Variants in DKKL1 observed in about 807,000 individuals in gnomAD.
The protein encoded by DKKL1 is dickkopf-like protein 1.
DKKL1 carries 11 observed loss-of-function variants against 16.5 expected under a neutral mutation model. The observed-to-expected ratio is 0.67, with a 90% CI of 0.42 to 1.10. DKKL1 has a LOEUF of 1.10. DKKL1 is among the 50% of genes least tolerant of loss of function. The pLI is 0.00. For missense variants in DKKL1, 320 were observed against 308.1 expected (o/e 1.04, Z -0.29); for synonymous variants, 119 against 133.2 (o/e 0.89, Z 0.73).
At chr19:49,362,046 C>CA (rs1972986408), upstream of DKKL1, 1 of 152,782 alleles carries the variant, frequency 6.5e-6, no homozygotes, top group African/African-American at 2.4e-5. Flanking sequence ...AAATGCCCCC[C>CA]AGATTACACA....
upstream of DKKL1, chr19:49,363,845 C>T (rs1349507192): frequency 1.1e-5 from 12 of 1,101,092 alleles, no homozygotes; most frequent in Non-Finnish European, 1.4e-5. Flanking sequence ...GGCGTGGCTA[C>T]GGCTCGCGGA....
chr19:49,363,830 A>G (rs1284319199), upstream of DKKL1: 3 of 969,580 alleles, frequency 3.1e-6, no homozygotes, highest in Non-Finnish European at 4.8e-6. Context: ...TGGTCAGACA[A>G]TAGGGGCGTG....
upstream of DKKL1, chr19:49,362,562 T>G (rs1325910713): frequency 1.3e-5 from 2 of 151,250 alleles, no homozygotes; most frequent in Non-Finnish European, 2.9e-5. Flanking sequence ...TTAGTCTATC[T>G]CGGGGCTGGT....
intron 4 of DKKL1, among the ~76,000 whole-genome samples, chr19:49,368,072 G>A (rs1399842117): frequency 6.6e-6 from 1 of 152,082 alleles, no homozygotes. Context: ...TAGCAATTTG[G>A]GAGGCCAAGG....
intron 1 of DKKL1, 107 bp from the exon 2 acceptor site, chr19:49,364,474 TG>T: frequency 1.2e-6 from 1 of 846,104 alleles, no homozygotes; most frequent in Non-Finnish European, 1.8e-6. Context: ...GAGCGCGGTG[TG>T]GGAGTTGCCT....
Position 49,374,772 on chromosome 19 carries a change from G to A in DKKL1, c.473G>A (p.Ser158Asn), listed in dbSNP as rs1259082957. The change falls in exon 5 of 5, where the codon AGC (serine) becomes AAC (asparagine). Residue 158 changes from serine (S) to asparagine (N), a missense_variant. By Grantham distance (46) the Ser-to-Asn change is conservative. Transcript: ENST00000221498. ...ALVPIQKATDSFHTELHPRVA... is the reference protein window; with the variant it reads ...ALVPIQKATDNFHTELHPRVA... ...GTACCCATCCAGAAGGCCACGGACAGCTTCCACACAGAACTCCATCCCCGG... is the reference window on the plus strand; with the variant it reads ...GTACCCATCCAGAAGGCCACGGACAACTTCCACACAGAACTCCATCCCCGG... 1 of 1,600,912 alleles carries A rather than the reference G, an allele frequency of 6.2e-7. No homozygotes were observed. The highest frequency in any genetic ancestry group is 8.5e-7 in the Non-Finnish European group (1 of 1,172,318).
intron 4 of DKKL1, among the ~76,000 whole-genome samples, chr19:49,372,379 C>T (rs959052376): frequency 5.3e-5 from 8 of 151,486 alleles, no homozygotes; most frequent in South Asian, 2.1e-4. Flanking sequence ...GCTAACGTAG[C>T]GAAACCCCGT....
Position 49,365,526 on chromosome 19 carries a change from C to A in DKKL1, c.201C>A (p.Gly67=), listed in dbSNP as rs759271501. ...RLFLKGNLLR[G]IDSLFSAPMD... ...GGCCCCAGGGTAACCTGCTTCGGGG[C>A]ATAGACAGCTTATTCTCTGCCCCCA... The change falls in exon 3 of 5, where the codon GGC becomes GGA. Residue 67 remains glycine, a synonymous_variant. Transcript: ENST00000221498. The A allele has an allele frequency of 6.2e-7, 1 of 1,610,762 alleles. No individual in the cohort carries two copies. Among genetic ancestry groups the A allele is most frequent in the Non-Finnish European group, 8.5e-7 (1 of 1,178,332 alleles).
intron 4 of DKKL1, among the ~76,000 whole-genome samples, chr19:49,372,034 G>A (rs566195507): frequency 6.6e-6 from 1 of 152,176 alleles, no homozygotes; most frequent in South Asian, 2.1e-4. Context: ...GGACAATTGG[G>A]TTGGTTCCAA....
chr19:49,361,164 G>T (rs1224508413), upstream of DKKL1, among the ~76,000 whole-genome samples: 1 of 101,516 alleles, frequency 9.9e-6, no homozygotes, highest in Non-Finnish European at 1.9e-5. Flanking sequence ...CCGGGGGGGG[G>T]GGACAGGGAC....
At position 49,365,781 on chromosome 19, in the gene DKKL1, G is replaced by A. The variant is rs562307373; in HGVS notation, c.325-12G>A. On this transcript the variant is annotated splice_polypyrimidine_tract_variant and intron_variant, in intron 3 of 4. Transcript: ENST00000221498. ...GCAGGTTTGCTCTCACTCTCTCATCGGATCCTCACAGATGACCGACAACAA... is the reference window on the plus strand; with the variant it reads ...GCAGGTTTGCTCTCACTCTCTCATCAGATCCTCACAGATGACCGACAACAA... 20 of 1,613,178 alleles carry A rather than the reference G, an allele frequency of 1.2e-5. No individual in the cohort carries two copies. The highest frequency in any genetic ancestry group is 8.9e-5 in the East Asian group (4 of 44,848).
In DKKL1 at chr19:49,365,812, G is replaced by A. The variant is rs1973227998; in HGVS notation, c.344G>A (p.Gly115Glu). 2 of 1,614,108 alleles carry A rather than the reference G, an allele frequency of 1.2e-6. No homozygotes were observed. Among genetic ancestry groups the A allele is most frequent in the South Asian group, 1.1e-5 (1 of 91,072 alleles). ...TCACAGATGACCGACAACAAGACAG[G>A]AGAGGTGCTGATCTCCGAGAATGTG... is the stretch of plus-strand genomic sequence containing the variant. ...QIDKMTDNKT[G>E]EVLISENVVA... The change falls in exon 4 of 5, where the codon GGA (glycine) becomes GAA (glutamate). Residue 115 changes from glycine to glutamate, a missense_variant. Transcript: ENST00000221498.
At chr19:49,372,649 G>A (rs150751383) in intron 4 of DKKL1, among the ~76,000 whole-genome samples, 2,401 of 150,186 alleles carry the variant, frequency 0.016, 72 homozygotes, top group African/African-American at 0.056. Flanking sequence ...AGCCGAGATC[G>A]TGCCACTGCA....
chr19:49,369,902 T>G (rs548626810), intron 4 of DKKL1: 39 of 152,398 alleles, frequency 2.6e-4, no homozygotes, highest in African/African-American at 8.7e-4. Flanking sequence ...GAGACTCCAC[T>G]GTCCATGGCG....
Position 49,364,742 on chromosome 19 carries a change from A to G in DKKL1, c.171A>G (p.Arg57=). 2 of 1,612,354 alleles carry G rather than the reference A, an allele frequency of 1.2e-6. No individual in the cohort carries two copies. Among genetic ancestry groups the G allele is most frequent in the Non-Finnish European group, 1.7e-6 (2 of 1,179,382 alleles). The change falls in exon 2 of 5, where the codon CGA becomes CGG. Residue 57 remains arginine, a synonymous_variant. Transcript: ENST00000221498. ...AGAGCCTACTCCAAGGCTTCAGCCG[A>G]CTTTTCCTGAAAGTAAGCGATGGCG... ...GLQSLLQGFS[R]LFLKGNLLRG...
upstream of DKKL1, chr19:49,363,480 A>G: frequency 5.0e-6 from 1 of 200,434 alleles, no homozygotes; most frequent in South Asian, 6.8e-5. Context: ...TGGGGTGATG[A>G]GGGCAAGATC....
chr19:49,362,923 T>G (rs201323059), upstream of DKKL1, among the ~76,000 whole-genome samples: 25,505 of 130,598 alleles, frequency 0.2, 2,534 homozygotes, highest in Non-Finnish European at 0.22. Flanking sequence ...TTTTTTGTTT[T>G]TTGTTTTTTT....
upstream of DKKL1, chr19:49,363,650 G>A: frequency 1.0e-5 from 4 of 391,514 alleles, no homozygotes; most frequent in Admixed American, 1.5e-4. Flanking sequence ...CCAGGACTGA[G>A]GTCAACTGAC....
intron 2 of DKKL1, among the ~76,000 whole-genome samples, chr19:49,365,106 C>T (rs913839518): frequency 1.8e-4 from 27 of 152,116 alleles, no homozygotes; most frequent in African/African-American, 6.5e-4. Context: ...GTCGAGGCTG[C>T]AGTAAGCCAT....
Sources: allele counts gnomAD v4.1 joint callset (sites outside exome capture counted in the v4.1 genomes callset), GRCh38; gene constraint gnomAD v4.1.1; transcripts MANE v1.5; gene names NCBI Gene and HGNC (gene_info 2026-07-23, HGNC 2026-07-21).